The following ASB5 variants were observed in gnomAD, a reference collection of about 807,000 sequenced individuals.
The protein encoded by ASB5 is ankyrin repeat and SOCS box protein 5.
A neutral mutation model predicts 42.1 loss-of-function variants in ASB5; 45 were observed. The observed-to-expected ratio is 1.07, with a 90% CI of 0.84 to 1.37. The LOEUF is 1.37. Ranked by LOEUF, ASB5 falls within the 40% of genes most tolerant of loss-of-function variation. The probability of loss-of-function intolerance (pLI) is 0.00; values close to 1 mark genes in which losing one functional copy is unlikely to be tolerated. For missense variants in ASB5, 402 were observed against 399.8 expected (o/e 1.01, Z -0.05); for synonymous variants, 147 against 150.6 (o/e 0.98, Z 0.18).
intron 1 of ASB5, among the ~76,000 whole-genome samples, chr4:176,260,450 C>A (rs1232617657): frequency 6.6e-6 from 1 of 152,124 alleles, no homozygotes; most frequent in Non-Finnish European, 1.5e-5. Flanking sequence ...ACAGAGTGGA[C>A]TTGTTTAATC....
chr4:176,219,707 C>T (rs1753147074), intron 5 of ASB5, among the ~76,000 whole-genome samples: 1 of 148,040 alleles, frequency 6.8e-6, no homozygotes, highest in South Asian at 2.1e-4. Flanking sequence ...GCTGGGACTA[C>T]AGGCACATGC....
chr4:176,224,225 T>TA (rs1753307801), intron 2 of ASB5, among the ~76,000 whole-genome samples: 1 of 87,594 alleles, frequency 1.1e-5, no homozygotes, highest in Non-Finnish European at 2.9e-5. Context: ...CATTTGATTT[T>TA]TTTTTTTTTT....
At chr4:176,225,377 A>G in intron 1 of ASB5, 36 bp from the exon 2 acceptor site, 1 of 1,564,848 alleles carries the variant, frequency 6.4e-7, no homozygotes, top group Non-Finnish European at 8.8e-7. Context: ...AAAGAAAACA[A>G]AAATCCAAGA....
At chr4:176,273,956 C>T (rs769928070), upstream of ASB5, among the ~76,000 whole-genome samples, 2 of 152,140 alleles carry the variant, frequency 1.3e-5, no homozygotes, top group African/African-American at 4.8e-5. Context: ...TCGTATCTTG[C>T]CCAACCTAAG....
chr4:176,254,568 T>G (rs778823284), intron 1 of ASB5, among the ~76,000 whole-genome samples: 6 of 150,198 alleles, frequency 4.0e-5, no homozygotes, highest in Non-Finnish European at 8.9e-5. Flanking sequence ...TGGAACCTAA[T>G]TAAAGTTTTG....
chr4:176,227,321 C>A (rs144920765), intron 1 of ASB5, among the ~76,000 whole-genome samples: 25 of 152,256 alleles, frequency 1.6e-4, no homozygotes, highest in Middle Eastern at 3.4e-3. Context: ...ACTTGTAAGT[C>A]AACAGAGAGA....
rs1333284801 is a variant in ASB5 at position 176,214,687 on chromosome 4, C to A, written c.*913G>T. On this transcript the variant is annotated 3_prime_UTR_variant, in exon 7 of 7. Coordinates refer to ENST00000296525, the MANE Select transcript of ASB5 (RefSeq NM_080874.4). Reference sequence around the variant, plus strand: ...CTCCACAATTTGAGTTTTTAATCTTCCATTTTTTTATATCCTTGGACTGAT... The same window carrying A: ...CTCCACAATTTGAGTTTTTAATCTTACATTTTTTTATATCCTTGGACTGAT... 2 of 152,066 alleles carry A rather than the reference C, an allele frequency of 1.3e-5. No homozygotes were observed. Among genetic ancestry groups the A allele is most frequent in the African/African-American group, 4.8e-5 (2 of 41,398 alleles). 9.4% of individuals were successfully genotyped at this position (152,066 alleles called of 1,614,324 possible). A position where few individuals can be genotyped will look rare whatever the true frequency, so the allele number is the denominator to read the frequency against.
At position 176,216,885 on chromosome 4, in the gene ASB5, C is replaced by T. The variant is rs1014583312; in HGVS notation, c.795G>A (p.Glu265=). The T allele has an allele frequency of 1.9e-6, 3 of 1,613,994 alleles. No homozygotes were observed. Among genetic ancestry groups the T allele is most frequent in the Non-Finnish European group, 2.5e-6 (3 of 1,179,982 alleles). ...FGADINAKNT[E]LLRPIDVATS... is the part of the protein sequence containing the mutation. Reference sequence around the variant, plus strand: ...TAGCTACATCTATAGGTCGCAGAAGCTCTGTATTTTTGGCATTGATATCTG... The same window carrying T: ...TAGCTACATCTATAGGTCGCAGAAGTTCTGTATTTTTGGCATTGATATCTG... Residue 265 remains glutamate (E), a synonymous_variant, in exon 6 of 7, where the codon GAG becomes GAA. Transcript: ENST00000296525.
rs903098538 is a variant in ASB5 at position 176,252,093 on chromosome 4, A to G, written c.196+16820T>C. On this transcript the variant is annotated intron_variant, in intron 1 of 6. Coordinates refer to ENST00000296525, the MANE Select transcript of ASB5 (RefSeq NM_080874.4). Reference sequence around the variant, plus strand: ...AAAAAAAAAAAAAAAAGAAAAAAAAAAAAAGAAAAAGACACGCATATAAAA... The same window carrying G: ...AAAAAAAAAAAAAAAAGAAAAAAAAGAAAAGAAAAAGACACGCATATAAAA... Among the ~76,000 whole-genome samples, 90 of 151,668 alleles carry G rather than the reference A, an allele frequency of 5.9e-4. 1 individual carries two copies. The East Asian group carries it at 0.012, about 20-fold the overall frequency.
chr4:176,240,633 G>A (rs748235050), intron 1 of ASB5, among the ~76,000 whole-genome samples: 11 of 152,264 alleles, frequency 7.2e-5, no homozygotes, highest in Middle Eastern at 3.4e-3. Flanking sequence ...GTGAGTAAAC[G>A]TTTTCAAGAA....
chr4:176,235,788 TTG>T (rs1488827487), intron 1 of ASB5, among the ~76,000 whole-genome samples: 1 of 147,036 alleles, frequency 6.8e-6, no homozygotes, highest in Non-Finnish European at 1.5e-5. Context: ...TTGCTAAGAC[TTG>T]TCTTTTTTTT....
chr4:176,263,853 T>A (rs1754308647), intron 1 of ASB5, among the ~76,000 whole-genome samples: 1 of 152,182 alleles, frequency 6.6e-6, no homozygotes, highest in African/African-American at 2.4e-5. Context: ...TAAAGCTAAA[T>A]TCCTAAAGTT....
chr4:176,248,310 TAC>T (rs897756491), intron 1 of ASB5, among the ~76,000 whole-genome samples: 4 of 152,086 alleles, frequency 2.6e-5, no homozygotes, highest in African/African-American at 9.7e-5. Context: ...GTATTTTTTG[TAC>T]AGATGGGGTT....
intron 2 of ASB5, among the ~76,000 whole-genome samples, chr4:176,224,468 C>T (rs1195701622): frequency 6.6e-6 from 1 of 152,002 alleles, no homozygotes; most frequent in Non-Finnish European, 1.5e-5. Flanking sequence ...CTCCTGACCT[C>T]AGGTGATCCA....
chr4:176,221,650 G>C, intron 3 of ASB5, 50 bp from the exon 4 acceptor site: 1 of 1,483,374 alleles, frequency 6.7e-7, no homozygotes, highest in African/African-American at 1.4e-5. Flanking sequence ...TCATACATGA[G>C]TAACCGACTT....
chr4:176,239,000 C>T (rs1056975138), intron 1 of ASB5, among the ~76,000 whole-genome samples: 1 of 152,152 alleles, frequency 6.6e-6, no homozygotes. Flanking sequence ...ATGACTAACA[C>T]ACAAAAGGTA....
rs1753112554 is a variant in ASB5 at position 176,219,410 on chromosome 4, A to AATATATATATGTATGATATATAAAT, written c.670+1720_670+1744dup. 1.7e-4 allele frequency among the ~76,000 whole-genome samples: 10 copies of AATATATATATGTATGATATATAAAT among 60,194 alleles called. 1 individual carries two copies. 39.5% of individuals were successfully genotyped at this position (60,194 alleles called of 152,430 possible). ...AATATATATATTTGTATGATATATA[A>AATATATATATGTATGATATATAAAT]ATATATATATGTATGATATATAAAT... On this transcript the variant is annotated intron_variant, in intron 5 of 6. Transcript: ENST00000296525.
chr4:176,245,003 C>T (rs367977264), intron 1 of ASB5, among the ~76,000 whole-genome samples: 1 of 152,094 alleles, frequency 6.6e-6, no homozygotes, highest in African/African-American at 2.4e-5. Flanking sequence ...CAGGCCTCAC[C>T]TCAGTCACCA....
intron 5 of ASB5, among the ~76,000 whole-genome samples, chr4:176,220,530 A>G (rs1753174165): frequency 6.6e-6 from 1 of 152,162 alleles, no homozygotes; most frequent in South Asian, 2.1e-4. Context: ...TCCAAATCGT[A>G]AGGGGACTCT....
Sources: allele counts gnomAD v4.1 joint callset (sites outside exome capture counted in the v4.1 genomes callset), GRCh38; gene constraint gnomAD v4.1.1; transcripts MANE v1.5; gene names NCBI Gene and HGNC (gene_info 2026-07-23, HGNC 2026-07-21).